WNK1: variants seen among roughly 807,000 people sequenced by gnomAD.
The protein encoded by WNK1 is serine/threonine-protein kinase WNK1.
In WNK1, 38 loss-of-function variants were observed where a neutral mutation model predicts 222.8. The observed-to-expected ratio is 0.17, with a 90% CI of 0.13 to 0.22. The LOEUF (loss-of-function observed/expected upper bound fraction) is 0.22. Ranked by LOEUF, WNK1 falls within the 10% of genes least tolerant of loss-of-function variation. WNK1 has a pLI of 1.00. For synonymous variants in WNK1, 1,090 were observed against 1,092.9 expected (o/e 1.00, Z 0.05); for missense variants, 2,348 against 2,918.4 (o/e 0.80, Z 4.50).
intron 1 of WNK1, among the ~76,000 whole-genome samples, chr12:808,597 G>A (rs563423435): frequency 6.6e-6 from 1 of 151,910 alleles, no homozygotes; most frequent in Non-Finnish European, 1.5e-5. Context: ...AGGTATTTTG[G>A]AATCCCATGT....
Position 910,564 on chromosome 12 carries a change from T to A in WNK1, c.*1772T>A, listed in dbSNP as rs1441586132. 20 of 152,234 alleles carry A rather than the reference T, an allele frequency of 1.3e-4. No homozygotes were observed. Among genetic ancestry groups the A allele is most frequent in the Admixed American group, 1.3e-3 (20 of 15,290 alleles). The allele number at this position is 152,234 out of a possible 1,614,324, so 9.4% of individuals were successfully genotyped here. On this transcript the variant is annotated 3_prime_UTR_variant, in exon 28 of 28. Coordinates refer to ENST00000315939, the MANE Select transcript of WNK1 (RefSeq NM_018979.4). ...AAATACTGTCCTAACTGGCTATGTTTAGGATCTTTGTTATCTCTGAAGACA... is the reference window on the plus strand; with the variant it reads ...AAATACTGTCCTAACTGGCTATGTTAAGGATCTTTGTTATCTCTGAAGACA...
intron 7 of WNK1, among the ~76,000 whole-genome samples, chr12:861,824 A>C (rs17223392): frequency 1.3e-5 from 2 of 152,176 alleles, no homozygotes; most frequent in South Asian, 2.1e-4. Flanking sequence ...AGCTGTGTCA[A>C]ATTTAAGGCT....
chr12:893,479 A>G (rs1954454688), intron 22 of WNK1, among the ~76,000 whole-genome samples: 1 of 152,196 alleles, frequency 6.6e-6, no homozygotes, highest in African/African-American at 2.4e-5. Context: ...ATCTCTAGAA[A>G]GAAACTCAAA....
intron 9 of WNK1, among the ~76,000 whole-genome samples, chr12:872,630 T>C (rs900360007): frequency 6.6e-6 from 1 of 152,260 alleles, no homozygotes; most frequent in African/African-American, 2.4e-5. Flanking sequence ...TGAATACTTA[T>C]TAGCTATTCT....
Position 879,894 on chromosome 12 carries a change from C to T in WNK1, c.2695C>T (p.Leu899Phe), listed in dbSNP as rs759481167. The T allele has an allele frequency of 1.2e-6, 2 of 1,614,132 alleles. No individual in the cohort carries two copies. Among genetic ancestry groups the T allele is most frequent in the Non-Finnish European group, 1.7e-6 (2 of 1,179,994 alleles). ...TGTGGTTCCTAGTCAGCTTCCAACC[C>T]TTCTGCAGCCTGTGACTCAGCTGCC... ...STVVPSQLPT[L>F]LQPVTQLPSQ... The change falls in exon 11 of 28, where the codon CTT becomes TTT. Residue 899 changes from leucine to phenylalanine, a missense_variant. Transcript: ENST00000315939.
chr12:869,015 C>A (rs541244944), intron 8 of WNK1: 1 of 1,611,216 alleles, frequency 6.2e-7, no homozygotes, highest in African/African-American at 1.3e-5. Context: ...ACAAGAATCC[C>A]CACTTTTCTT....
At chr12:844,839 G>A (rs1949902557) in intron 4 of WNK1, among the ~76,000 whole-genome samples, 2 of 150,004 alleles carry the variant, frequency 1.3e-5, no homozygotes, top group Non-Finnish European at 1.5e-5. Context: ...AATTATATAA[G>A]CAATCATGAT....
intron 1 of WNK1, among the ~76,000 whole-genome samples, chr12:757,378 T>C (rs1474066267): frequency 1.6e-5 from 2 of 122,312 alleles, no homozygotes; most frequent in East Asian, 2.8e-4. Context: ...CAGGCTAGAG[T>C]GCAGTGGCGC....
At chr12:876,341 G>A (rs1189670575) in intron 9 of WNK1, among the ~76,000 whole-genome samples, 1 of 152,050 alleles carries the variant, frequency 6.6e-6, no homozygotes, top group Non-Finnish European at 1.5e-5. Context: ...CCTGGGAGGC[G>A]GAACTTGCAG....
chr12:773,200 G>A (rs761830210), intron 1 of WNK1, among the ~76,000 whole-genome samples: 11 of 152,122 alleles, frequency 7.2e-5, no homozygotes, highest in Non-Finnish European at 1.3e-4. Context: ...GGAGGTTGCG[G>A]TGAGCTGAGA....
intron 1 of WNK1, among the ~76,000 whole-genome samples, chr12:774,787 C>T (rs1316150692): frequency 1.3e-5 from 2 of 152,120 alleles, no homozygotes; most frequent in Non-Finnish European, 2.9e-5. Context: ...TGCAGAACTT[C>T]CCCCATATGC....
chr12:793,916 A>G (rs1181075339), intron 1 of WNK1, among the ~76,000 whole-genome samples: 1 of 152,078 alleles, frequency 6.6e-6, no homozygotes, highest in Non-Finnish European at 1.5e-5. Context: ...AGAAAACTCC[A>G]TTTCCCCTCA....
intron 1 of WNK1, among the ~76,000 whole-genome samples, chr12:800,621 T>C (rs1429449117): frequency 5.3e-5 from 8 of 152,178 alleles, no homozygotes; most frequent in Admixed American, 1.3e-4. Flanking sequence ...CCTGCTGATA[T>C]TTAAGAATGA....
chr12:796,158 G>A (rs551182040), intron 1 of WNK1, among the ~76,000 whole-genome samples: 2 of 152,250 alleles, frequency 1.3e-5, no homozygotes, highest in South Asian at 4.1e-4. Flanking sequence ...ACAGACGTGA[G>A]CCACCACTCC....
Position 779,985 on chromosome 12 carries a change from G to A in WNK1, c.759+25661G>A, listed in dbSNP as rs1565418450. Among the ~76,000 whole-genome samples, 3 of 152,080 alleles carry A rather than the reference G, an allele frequency of 2.0e-5. No homozygotes were observed. The South Asian group carries it at 6.2e-4, about 31-fold the overall frequency. On this transcript the variant is annotated intron_variant, in intron 1 of 27. Transcript: ENST00000315939. Reference sequence around the variant, plus strand: ...ATTTTTTAAAATTTGGAATTTTGTGGATAATCATTAACAGAGTTGCTTAAT... The same window carrying A: ...ATTTTTTAAAATTTGGAATTTTGTGAATAATCATTAACAGAGTTGCTTAAT...
intron 10 of WNK1, 115 bp from the exon 11 acceptor site, chr12:879,453 TTTTTG>T: frequency 4.2e-6 from 3 of 721,744 alleles, no homozygotes; most frequent in Admixed American, 3.3e-5. Flanking sequence ...GGTGTTTTTT[TTTTTG>T]TTTGTTTTTT....
intron 2 of WNK1, among the ~76,000 whole-genome samples, chr12:822,251 G>C (rs559372875): frequency 1.1e-3 from 170 of 151,748 alleles, no homozygotes; most frequent in African/African-American, 4.1e-3. Context: ...TCACCACCAC[G>C]CCCAGCTAAT....
At chr12:832,867 T>G (rs923137923) in intron 4 of WNK1, among the ~76,000 whole-genome samples, 10 of 152,224 alleles carry the variant, frequency 6.6e-5, no homozygotes, top group African/African-American at 2.2e-4. Flanking sequence ...TTCAGATGAT[T>G]CTGATAAGTA....
intron 26 of WNK1, among the ~76,000 whole-genome samples, chr12:907,355 G>A (rs1335350855): frequency 1.3e-5 from 2 of 150,294 alleles, no homozygotes; most frequent in Non-Finnish European, 3.0e-5. Context: ...ATGTGGCAGT[G>A]TCCAATGGTT....
Sources: gnomAD v4.1 joint callset for allele counts (sites outside exome capture counted in the v4.1 genomes callset) on GRCh38, gnomAD v4.1.1 for gene constraint, MANE v1.5 for transcripts, NCBI Gene and HGNC (gene_info 2026-07-23, HGNC 2026-07-21) for gene names.